BAZ1B: variants seen among roughly 807,000 people sequenced by gnomAD.
BAZ1B encodes the protein tyrosine-protein kinase BAZ1B.
In BAZ1B, 22 loss-of-function variants were observed where a neutral mutation model predicts 153.8. The observed-to-expected ratio is 0.14, with a 90% CI of 0.10 to 0.20. BAZ1B has a LOEUF of 0.20. BAZ1B is among the 10% of genes least tolerant of loss of function. The pLI, the probability that BAZ1B is intolerant of heterozygous loss-of-function variation, is 1.00. For missense variants in BAZ1B, 1,325 were observed against 1,799.3 expected (o/e 0.74, Z 4.77); for synonymous variants, 676 against 633.4 (o/e 1.07, Z -1.01).
intron 3 of BAZ1B, among the ~76,000 whole-genome samples, chr7:73,500,434 T>C (rs1456451469): frequency 6.6e-6 from 1 of 151,890 alleles, no homozygotes; most frequent in African/African-American, 2.4e-5. Flanking sequence ...TTCCAGCTAC[T>C]AGGGAGGCTG....
chr7:73,502,367 T>TTA (rs1563397378), intron 3 of BAZ1B, among the ~76,000 whole-genome samples: 3 of 151,710 alleles, frequency 2.0e-5, no homozygotes, highest in African/African-American at 7.3e-5. Flanking sequence ...CTTTTTTTTT[T>TTA]ATCACACTTA....
At chr7:73,481,617 G>T (rs1789203981) in intron 6 of BAZ1B, among the ~76,000 whole-genome samples, 1 of 151,778 alleles carries the variant, frequency 6.6e-6, no homozygotes, top group Non-Finnish European at 1.5e-5. Context: ...GGCCTACACT[G>T]AGTAGGATAT....
chr7:73,442,654 C>A, intron 18 of BAZ1B, 71 bp downstream of exon 18: 1 of 1,548,116 alleles, frequency 6.5e-7, no homozygotes, highest in Non-Finnish European at 8.8e-7. Context: ...GAGAGCCCCT[C>A]AGGGGCTCTG....
At chr7:73,460,723 C>T (rs1563370039) in intron 12 of BAZ1B, among the ~76,000 whole-genome samples, 1 of 152,116 alleles carries the variant, frequency 6.6e-6, no homozygotes, top group African/African-American at 2.4e-5. Flanking sequence ...TGGCCTGAAG[C>T]GATCCTCCTG....
chr7:73,476,335 A>G (rs1222268904), intron 7 of BAZ1B, among the ~76,000 whole-genome samples: 1 of 152,220 alleles, frequency 6.6e-6, no homozygotes, highest in Non-Finnish European at 1.5e-5. Context: ...GCTGCTTTTT[A>G]AAAGTTCAGA....
Position 73,470,516 on chromosome 7 carries a change from T to C in BAZ1B, c.2594-33A>G, listed in dbSNP as rs782480658. 2.8e-5 allele frequency: 45 copies of C among 1,606,996 alleles called. No homozygotes were observed. In the East Asian group the frequency reaches 1.0e-3, roughly 36 times the overall value. Reference sequence around the variant, plus strand: ...AAATAAAAAGACTCAAATCAGATATTTTCCTAGTAAATCCCACTCTTACAA... The same window carrying C: ...AAATAAAAAGACTCAAATCAGATATCTTCCTAGTAAATCCCACTCTTACAA... On this transcript the variant is annotated intron_variant, in intron 7 of 19. Coordinates refer to ENST00000339594, the MANE Select transcript of BAZ1B (RefSeq NM_032408.4).
chr7:73,498,420 A>G lies in BAZ1B; in HGVS notation c.571+77T>C, dbSNP rs553491891. The G allele has an allele frequency of 1.5e-5, 20 of 1,371,990 alleles. No homozygotes were observed. In the East Asian group the frequency reaches 4.4e-4, roughly 30 times the overall value. 85.0% of individuals were successfully genotyped at this position (1,371,990 alleles called of 1,614,324 possible). ...AAAAAATCACACATTTAGTTGCTAG[A>G]GAACCCTAAAAGATGTGTTCATAAT... is the stretch of plus-strand genomic sequence containing the variant. On this transcript the variant is annotated intron_variant, in intron 4 of 19. Coordinates refer to ENST00000339594, the MANE Select transcript of BAZ1B (RefSeq NM_032408.4).
At chr7:73,452,506 A>G (rs887303773) in intron 13 of BAZ1B, among the ~76,000 whole-genome samples, 1 of 152,036 alleles carries the variant, frequency 6.6e-6, no homozygotes, top group Non-Finnish European at 1.5e-5. Context: ...GGCGGATCAC[A>G]AAGTCAGGAG....
chr7:73,509,539 G>A (rs1225676142), intron 2 of BAZ1B, among the ~76,000 whole-genome samples: 1 of 152,064 alleles, frequency 6.6e-6, no homozygotes, highest in Non-Finnish European at 1.5e-5. Flanking sequence ...GGCCAACAGA[G>A]TGAGAACCTG....
chr7:73,499,335 T>A (rs73134953), intron 3 of BAZ1B, among the ~76,000 whole-genome samples: 7,410 of 151,908 alleles, frequency 0.049, 208 homozygotes, highest in Non-Finnish European at 0.066. Context: ...GCCTACATTT[T>A]AAAAAAAAGA....
chr7:73,513,713 T>C (rs1790677926), intron 1 of BAZ1B, among the ~76,000 whole-genome samples: 1 of 152,190 alleles, frequency 6.6e-6, no homozygotes, highest in South Asian at 2.1e-4. Context: ...AAAAGCTTGA[T>C]AACATTCTAA....
At chr7:73,483,983 T>G (rs1241691522) in intron 6 of BAZ1B, among the ~76,000 whole-genome samples, 1 of 151,968 alleles carries the variant, frequency 6.6e-6, no homozygotes, top group Non-Finnish European at 1.5e-5. Context: ...TAAAGAAAAA[T>G]CAGGCCGGGT....
chr7:73,465,599 T>C, intron 10 of BAZ1B, 62 bp from the exon 11 acceptor site: 4 of 1,091,320 alleles, frequency 3.7e-6, no homozygotes, highest in Admixed American at 2.2e-5. Context: ...AATCAAACAC[T>C]AAGCAAGGGA....
chr7:73,449,424 G>A, intron 15 of BAZ1B, 118 bp downstream of exon 15: 1 of 1,253,256 alleles, frequency 8.0e-7, no homozygotes, highest in Non-Finnish European at 1.1e-6. Flanking sequence ...ATCAGGCTCT[G>A]TACCCAAAAG....
At chr7:73,494,492 C>T (rs1489766175) in intron 4 of BAZ1B, among the ~76,000 whole-genome samples, 8 of 152,190 alleles carry the variant, frequency 5.3e-5, no homozygotes, top group African/African-American at 1.9e-4. Context: ...CACAGGTAAT[C>T]CCAGAACTCT....
chr7:73,451,394 C>T (rs1425633647), intron 13 of BAZ1B, among the ~76,000 whole-genome samples: 2 of 152,130 alleles, frequency 1.3e-5, no homozygotes, highest in Non-Finnish European at 2.9e-5. Flanking sequence ...ATGCCCTGCC[C>T]GAAGCAAAGA....
chr7:73,478,547 G>A lies in BAZ1B; in HGVS notation c.914C>T (p.Thr305Ile). Residue 305 changes from threonine to isoleucine, a missense_variant, in exon 7 of 20, where the codon ACT (threonine) becomes ATT (isoleucine). Thr to Ile is a moderately conservative substitution (Grantham distance 89, BLOSUM62 -1). Coordinates refer to ENST00000339594, the MANE Select transcript of BAZ1B (RefSeq NM_032408.4). The part of the protein sequence containing the change: ...PYKYMTLNPS[T>I]KRKNTGSPDR... ...TGGGGATCCAGTATTCTTCCTCTTAGTAGAAGGGTTGAGAGTCATATACTA... is the reference window on the plus strand; with the variant it reads ...TGGGGATCCAGTATTCTTCCTCTTAATAGAAGGGTTGAGAGTCATATACTA... 2 of 1,546,310 alleles carry A rather than the reference G, an allele frequency of 1.3e-6. No homozygotes were observed. The highest frequency in any genetic ancestry group is 1.7e-6 in the Non-Finnish European group (2 of 1,149,340).
chr7:73,495,632 C>T (rs1483013894), intron 4 of BAZ1B, among the ~76,000 whole-genome samples: 1 of 152,168 alleles, frequency 6.6e-6, no homozygotes, highest in Non-Finnish European at 1.5e-5. Flanking sequence ...ACAGAATCAA[C>T]TTAAATGCCA....
At chr7:73,498,072 G>A (rs1789986678) in intron 4 of BAZ1B, among the ~76,000 whole-genome samples, 1 of 151,812 alleles carries the variant, frequency 6.6e-6, no homozygotes, top group Non-Finnish European at 1.5e-5. Context: ...CGATTCTCCT[G>A]CCTCAGCTTC....
Sources: gnomAD v4.1 joint callset for allele counts (sites outside exome capture counted in the v4.1 genomes callset) on GRCh38, gnomAD v4.1.1 for gene constraint, MANE v1.5 for transcripts, NCBI Gene and HGNC (gene_info 2026-07-23, HGNC 2026-07-21) for gene names.